PDZD2: variants seen among roughly 807,000 people sequenced by gnomAD.
PDZD2 encodes the protein PDZ domain-containing protein 2.
In PDZD2, 90 loss-of-function variants were observed where a neutral mutation model predicts 220.7. The ratio of observed to expected loss-of-function variants is 0.41; its 90% CI spans 0.34 to 0.49. The LOEUF (loss-of-function observed/expected upper bound fraction) is 0.49. PDZD2 is among the 20% of genes least tolerant of loss of function. The probability of loss-of-function intolerance (pLI) is 0.28; values close to 1 mark genes in which losing one functional copy is unlikely to be tolerated. For synonymous variants in PDZD2, 1,375 were observed against 1,450.5 expected (o/e 0.95, Z 1.18); for missense variants, 3,174 against 3,608.5 (o/e 0.88, Z 3.08).
Position 32,069,602 on chromosome 5 carries a change from C to G in PDZD2, c.2485C>G (p.Arg829Gly). The G allele has an allele frequency of 6.2e-7, 1 of 1,600,376 alleles. No individual in the cohort carries two copies. Among genetic ancestry groups the G allele is most frequent in the South Asian group, 1.1e-5 (1 of 90,834 alleles). Residue 829 changes from arginine (R) to glycine (G), a missense_variant, in exon 15 of 25, where the codon CGC becomes GGC. Coordinates refer to ENST00000438447, the MANE Select transcript of PDZD2 (RefSeq NM_178140.4). Reference sequence around the variant, plus strand: ...GCAGGAAATGGATGAAGTCATAGCACGCAGCACTTATCAGGAGAGCAAAGA... The same window carrying G: ...GCAGGAAATGGATGAAGTCATAGCAGGCAGCACTTATCAGGAGAGCAAAGA... ...SEQEMDEVIA[R>G]STYQESKEAN... is the part of the protein sequence containing the mutation.
At chr5:32,018,542 C>T (rs1159134216) in intron 6 of PDZD2, among the ~76,000 whole-genome samples, 1 of 152,242 alleles carries the variant, frequency 6.6e-6, no homozygotes, top group Non-Finnish European at 1.5e-5. Flanking sequence ...GTTCTCATTG[C>T]CTTCCCAGAC....
intron 2 of PDZD2, among the ~76,000 whole-genome samples, chr5:31,948,875 G>T (rs1746904527): frequency 6.6e-6 from 1 of 152,116 alleles, no homozygotes; most frequent in East Asian, 1.9e-4. Flanking sequence ...AAGGAGGGTG[G>T]ATCGCCTGAG....
chr5:32,065,223 T>C (rs1380058659), intron 14 of PDZD2, among the ~76,000 whole-genome samples: 2 of 149,976 alleles, frequency 1.3e-5, no homozygotes, highest in African/African-American at 4.9e-5. Context: ...CACTTGTACC[T>C]GCGAGGTGGA....
At chr5:31,664,535 C>G (rs1426842042) in intron 1 of PDZD2, among the ~76,000 whole-genome samples, 1 of 151,946 alleles carries the variant, frequency 6.6e-6, no homozygotes, top group African/African-American at 2.4e-5. Flanking sequence ...CACACACACA[C>G]TAAATTTCTA....
intron 1 of PDZD2, chr5:31,712,178 C>T (rs1054750557): frequency 1.3e-5 from 2 of 152,238 alleles, no homozygotes; most frequent in Non-Finnish European, 2.9e-5. Context: ...GTCCCGTGAA[C>T]AGATCATCCT....
chr5:31,763,810 T>G (rs1240704040), intron 1 of PDZD2, among the ~76,000 whole-genome samples: 2 of 150,782 alleles, frequency 1.3e-5, no homozygotes, highest in Non-Finnish European at 1.5e-5. Context: ...GCAAGCAGTC[T>G]TCAAAGGATC....
intron 2 of PDZD2, among the ~76,000 whole-genome samples, chr5:31,868,174 G>A (rs563425978): frequency 2.0e-5 from 3 of 152,280 alleles, no homozygotes; most frequent in South Asian, 2.1e-4. Context: ...GGCCGGGCGC[G>A]GTGGCTCATG....
At chr5:31,991,505 T>C (rs957211831) in intron 3 of PDZD2, among the ~76,000 whole-genome samples, 2 of 152,110 alleles carry the variant, frequency 1.3e-5, no homozygotes, top group African/African-American at 4.8e-5. Context: ...GCTGTTTGCA[T>C]TGAGATGGGA....
At chr5:31,648,008 C>G (rs409563) in intron 1 of PDZD2, among the ~76,000 whole-genome samples, 23,484 of 152,044 alleles carry the variant, frequency 0.15, 2,196 homozygotes, top group East Asian at 0.25. Context: ...GGCAGCATGG[C>G]TGGGGAAATA....
At chr5:31,726,980 C>G (rs1038211029) in intron 1 of PDZD2, among the ~76,000 whole-genome samples, 1 of 152,170 alleles carries the variant, frequency 6.6e-6, no homozygotes, top group Non-Finnish European at 1.5e-5. Context: ...GAAGGTGAAG[C>G]GGAAGCAGGC....
chr5:31,847,470 T>C (rs1312989196), intron 2 of PDZD2: 7 of 598,086 alleles, frequency 1.2e-5, no homozygotes, highest in African/African-American at 1.1e-4. Flanking sequence ...CGTATGCCCA[T>C]GTAGAAGGGG....
intron 2 of PDZD2, among the ~76,000 whole-genome samples, chr5:31,916,944 A>G (rs922509978): frequency 5.9e-5 from 9 of 152,146 alleles, no homozygotes; most frequent in African/African-American, 1.9e-4. Context: ...ACTGTTTATA[A>G]ACTCCATAAA....
chr5:32,089,546 C>G lies in PDZD2; in HGVS notation c.6098C>G (p.Ser2033Cys), dbSNP rs1042309202. The G allele has an allele frequency of 8.1e-6, 13 of 1,612,030 alleles. No homozygotes were observed. In the Admixed American group the frequency reaches 2.0e-4, roughly 25 times the overall value. Reference protein sequence around the residue: ...RAEGRAPRADSGPVSPAASRN... With the variant: ...RAEGRAPRADCGPVSPAASRN... ...GAGGGCAGGGCGCCCCGTGCTGACT[C>G]CGGGCCGGTGAGTCCGGCAGCGTCT... is the stretch of plus-strand genomic sequence containing the variant. Residue 2033 changes from serine (S) to cysteine (C), a missense_variant, in exon 20 of 25, where the codon TCC (serine) becomes TGC (cysteine). Ser to Cys is a moderately radical substitution (Grantham distance 112). This residue lies in a region of PDZD2 where 1,861 missense variants were observed against 2,001.0 expected (regional missense o/e 0.93). Coordinates refer to ENST00000438447, the MANE Select transcript of PDZD2 (RefSeq NM_178140.4).
At chr5:31,965,022 A>G (rs1007641459) in intron 2 of PDZD2, among the ~76,000 whole-genome samples, 1 of 152,144 alleles carries the variant, frequency 6.6e-6, no homozygotes, top group Non-Finnish European at 1.5e-5. Context: ...GCGCCCGGCC[A>G]GTTTTTTTGC....
At chr5:31,818,644 T>C (rs1342072834) in intron 2 of PDZD2, among the ~76,000 whole-genome samples, 2 of 152,180 alleles carry the variant, frequency 1.3e-5, no homozygotes. Context: ...TGTGGCTCGT[T>C]CTTCTCCTGT....
chr5:31,740,001 A>C (rs1449798364), intron 1 of PDZD2, among the ~76,000 whole-genome samples: 1 of 152,178 alleles, frequency 6.6e-6, no homozygotes, highest in Non-Finnish European at 1.5e-5. Flanking sequence ...CCTTTCAGAA[A>C]GTTAACAAAC....
intron 2 of PDZD2, among the ~76,000 whole-genome samples, chr5:31,901,440 A>G (rs1253573145): frequency 2.0e-5 from 3 of 151,394 alleles, no homozygotes; most frequent in Non-Finnish European, 4.4e-5. Flanking sequence ...AGAAGAAGAA[A>G]GGTGACTTTA....
intron 2 of PDZD2, among the ~76,000 whole-genome samples, chr5:31,907,885 C>A (rs1364254397): frequency 6.6e-6 from 1 of 151,886 alleles, no homozygotes; most frequent in Non-Finnish European, 1.5e-5. Context: ...GAGTTCGAGA[C>A]CAGCCTGGCC....
At chr5:32,003,884 G>C (rs531679921) in intron 5 of PDZD2, among the ~76,000 whole-genome samples, 1 of 151,894 alleles carries the variant, frequency 6.6e-6, no homozygotes, top group Admixed American at 6.6e-5. Context: ...GCTAATTTTC[G>C]TACTTTTAGT....
Sources: gnomAD v4.1 joint callset for allele counts (sites outside exome capture counted in the v4.1 genomes callset) on GRCh38, gnomAD v4.1.1 for gene constraint, gnomAD v4.1.1 regional missense constraint, MANE v1.5 for transcripts, NCBI Gene and HGNC (gene_info 2026-07-23, HGNC 2026-07-21) for gene names.